Variants in GPRC5D observed in about 807,000 individuals in gnomAD.
GPRC5D encodes G protein-coupled receptor family C group 5 member D.
Under a neutral mutation model 29.3 loss-of-function variants are expected in GPRC5D, and 20 were observed. That is an observed-to-expected ratio of 0.68 (90% CI 0.48 to 0.99). The LOEUF is 0.99. Among genes scored for constraint, GPRC5D ranks in the 50% least tolerant of loss-of-function variants. The probability of loss-of-function intolerance (pLI) is 0.00; values close to 1 mark genes in which losing one functional copy is unlikely to be tolerated. For missense variants in GPRC5D, 384 were observed against 423.6 expected (o/e 0.91, Z 0.82); for synonymous variants, 178 against 171.3 (o/e 1.04, Z -0.30).
At position 12,944,871 on chromosome 12, in the gene GPRC5D, T is replaced by A. The variant is rs1387563121; in HGVS notation, c.896-2543A>T. ...CTTCCTTCTTTCTTTCTTTCTTTCT[T>A]TCTTTCTTTCTTTCTTTCTTTCTTT... On this transcript the variant is annotated intron_variant, in intron 1 of 2. Transcript: ENST00000228887. Among the ~76,000 whole-genome samples the A allele has an allele frequency of 4.1e-4, 47 of 114,408 alleles. 3 individuals are homozygous for A. Among genetic ancestry groups the A allele is most frequent in the African/African-American group, 1.3e-3 (45 of 33,658 alleles). 75.1% of individuals were successfully genotyped at this position (114,408 alleles called of 152,430 possible).
At chr12:12,952,155 G>T (rs116065236), upstream of GPRC5D, 516 of 152,246 alleles carry the variant, frequency 3.4e-3, 3 homozygotes, top group African/African-American at 0.012. Context: ...TGGCAAAGTT[G>T]TAACTGCCAA....
intron 1 of GPRC5D, among the ~76,000 whole-genome samples, chr12:12,946,849 A>G (rs1049974191): frequency 8.5e-5 from 13 of 152,218 alleles, no homozygotes; most frequent in African/African-American, 3.1e-4. Flanking sequence ...TTAAATAATT[A>G]TGTGACTGGA....
chr12:12,951,730 G>A (rs1863501278), upstream of GPRC5D, among the ~76,000 whole-genome samples: 1 of 152,186 alleles, frequency 6.6e-6, no homozygotes, highest in Non-Finnish European at 1.5e-5. Flanking sequence ...TCTAGACACT[G>A]ATGCACTGCT....
At chr12:12,948,838 T>G (rs1429670728) in intron 1 of GPRC5D, among the ~76,000 whole-genome samples, 1 of 152,230 alleles carries the variant, frequency 6.6e-6, no homozygotes, top group African/African-American at 2.4e-5. Flanking sequence ...ATAAGCAAGT[T>G]ACTTTCTTTC....
At chr12:12,951,765 C>T (rs1403577815), upstream of GPRC5D, among the ~76,000 whole-genome samples, 1 of 152,160 alleles carries the variant, frequency 6.6e-6, no homozygotes, top group African/African-American at 2.4e-5. Flanking sequence ...AGATAAATTA[C>T]TGGGAATAAA....
intron 1 of GPRC5D, chr12:12,948,216 T>C (rs527448389): frequency 3.9e-5 from 6 of 152,346 alleles, no homozygotes. Context: ...CAAAAAGTTT[T>C]ATCTTCTAGT....
upstream of GPRC5D, among the ~76,000 whole-genome samples, chr12:12,950,668 G>T (rs944916869): frequency 2.0e-5 from 3 of 150,480 alleles, no homozygotes; most frequent in African/African-American, 7.4e-5. Context: ...TTAGCCGGGT[G>T]TGGTGGTGCA....
chr12:12,943,524 T>G (rs1417898348), intron 1 of GPRC5D, among the ~76,000 whole-genome samples: 1 of 152,218 alleles, frequency 6.6e-6, no homozygotes, highest in Non-Finnish European at 1.5e-5. Context: ...TTATATAAAG[T>G]CCTTGGAACA....
chr12:12,949,734 C>G (rs1487643800), exon 1 of GPRC5D: 3 of 1,614,042 alleles, frequency 1.9e-6, no homozygotes, highest in Non-Finnish European at 2.5e-6. Flanking sequence ...TCCACACCAC[C>G]CAGATGATGA....
intron 1 of GPRC5D, among the ~76,000 whole-genome samples, chr12:12,944,756 CCTTTCTTCCTTCCTTT>C (rs777809408): frequency 0.23 from 15,001 of 65,018 alleles, 5,309 homozygotes; most frequent in Admixed American, 0.33. Context: ...TTCCTTCCTT[CCTTTCTTCCTTCCTTT>C]CTTCCTTCCT....
exon 1 of GPRC5D, chr12:12,950,367 G>A (rs773116194): frequency 2.5e-6 from 4 of 1,604,706 alleles, no homozygotes; most frequent in African/African-American, 1.3e-5. Flanking sequence ...CAGTGGACTC[G>A]ATGCAGTCCT....
chr12:12,949,146 G>C (rs973432882), intron 1 of GPRC5D, among the ~76,000 whole-genome samples: 1 of 152,146 alleles, frequency 6.6e-6, no homozygotes, highest in African/African-American at 2.4e-5. Flanking sequence ...ATGCAAAATC[G>C]CATGGTCCAG....
At chr12:12,940,670 C>T, downstream of GPRC5D, 1 of 679,608 alleles carries the variant, frequency 1.5e-6, no homozygotes, top group Admixed American at 2.1e-5. Context: ...AGGTGGGATG[C>T]TGACTCTTCA....
chr12:12,940,812 G>A, exon 3 of GPRC5D: 1 of 1,608,752 alleles, frequency 6.2e-7, no homozygotes, highest in Non-Finnish European at 8.5e-7. Flanking sequence ...GCTTAGTTTA[G>A]CCTGTGGGAT....
intron 1 of GPRC5D, among the ~76,000 whole-genome samples, chr12:12,946,674 C>CT (rs1863356884): frequency 6.6e-6 from 1 of 151,964 alleles, no homozygotes; most frequent in African/African-American, 2.4e-5. Flanking sequence ...AGGCTGGTCT[C>CT]TAACTCCTGT....
At chr12:12,944,799 TC>T (rs775365986) in intron 1 of GPRC5D, among the ~76,000 whole-genome samples, 12,542 of 29,732 alleles carry the variant, frequency 0.42, 3,749 homozygotes, top group Admixed American at 0.58. Flanking sequence ...CTTCCTTCCT[TC>T]CCTTCCTTCC....
At chr12:12,950,555 C>T, upstream of GPRC5D, 1 of 592,370 alleles carries the variant, frequency 1.7e-6, no homozygotes, top group Non-Finnish European at 3.0e-6. Flanking sequence ...TCCTGTTATC[C>T]CAGCACTTTG....
At chr12:12,940,813 C>A in exon 3 of GPRC5D, 1 of 1,608,670 alleles carries the variant, frequency 6.2e-7, no homozygotes, top group Non-Finnish European at 8.5e-7. Flanking sequence ...CTTAGTTTAG[C>A]CTGTGGGATG....
At position 12,950,051 on chromosome 12, in the gene GPRC5D, A is replaced by T. The variant is rs766191912; in HGVS notation, c.334T>A (p.Ser112Thr). The T allele has an allele frequency of 5.6e-6, 9 of 1,613,832 alleles. No homozygotes were observed. Among genetic ancestry groups the T allele is most frequent in the Non-Finnish European group, 7.6e-6 (9 of 1,179,868 alleles). ...CCCCGAACCAGCTTCACTAGATTGGAGGCATGAGCTAAGAGGCATGAGAAA... is the reference window on the plus strand; with the variant it reads ...CCCCGAACCAGCTTCACTAGATTGGTGGCATGAGCTAAGAGGCATGAGAAA... The change falls in exon 1 of 3, where the codon TCC becomes ACC. Residue 112 changes from serine (S) to threonine (T), a missense_variant. By Grantham distance (58) the Ser-to-Thr change is moderately conservative (BLOSUM62 1). Transcript: ENST00000228887.
Sources: gnomAD v4.1 joint callset for allele counts (sites outside exome capture counted in the v4.1 genomes callset) on GRCh38, gnomAD v4.1.1 for gene constraint, MANE v1.5 for transcripts, NCBI Gene and HGNC (gene_info 2026-07-23, HGNC 2026-07-21) for gene names.